SGCD: variants seen among roughly 807,000 people sequenced by gnomAD.
SGCD encodes the protein delta-sarcoglycan.
SGCD carries 18 observed loss-of-function variants against 36.6 expected under a neutral mutation model. The observed-to-expected ratio is 0.49, with a 90% CI of 0.34 to 0.73. The LOEUF is 0.73. SGCD is among the 30% of genes least tolerant of loss of function. The pLI is 0.01. For synonymous variants in SGCD, 133 were observed against 130.6 expected (o/e 1.02, Z -0.12); for missense variants, 387 against 346.7 (o/e 1.12, Z -0.92).
chr5:155,781,867 G>T, the SGCD span, among the ~76,000 whole-genome samples: 100 of 152,206 alleles, frequency 6.6e-4, 1 homozygote, highest in South Asian at 0.014. Context: ...CTAGGAGAGA[G>T]TATAGTTAGT....
chr5:156,582,021 C>A (rs982202449), intron 4 of SGCD, among the ~76,000 whole-genome samples: 5 of 152,174 alleles, frequency 3.3e-5, no homozygotes, highest in South Asian at 2.1e-4. Context: ...CTGGGAGATG[C>A]AGACCAGAGC....
At chr5:156,726,676 C>T (rs948792977) in intron 7 of SGCD, among the ~76,000 whole-genome samples, 8 of 152,134 alleles carry the variant, frequency 5.3e-5, no homozygotes, top group Admixed American at 3.9e-4. Context: ...CCTTAAGGTC[C>T]CCTCCTCAAG....
intron 3 of SGCD, among the ~76,000 whole-genome samples, chr5:156,499,008 A>G (rs1292782484): frequency 2.0e-5 from 3 of 151,118 alleles, no homozygotes; most frequent in African/African-American, 7.3e-5. Flanking sequence ...AAAGGAAGGA[A>G]TGCAATCTGC....
In SGCD at chr5:156,380,287, G is replaced by A. The variant is rs143237404; in HGVS notation, c.192+35610G>A. Among the ~76,000 whole-genome samples, 556 of 152,280 alleles carry A rather than the reference G, an allele frequency of 3.7e-3. 6 individuals are homozygous for A. Among genetic ancestry groups the A allele is most frequent in the African/African-American group, 0.012 (502 of 41,554 alleles). ...ACACCTTACCAAAGCCAAAGGAGAC[G>A]TTGAAATGCTATACTACTTAACCAA... On this transcript the variant is annotated intron_variant, in intron 3 of 8. Transcript: ENST00000337851.
At position 156,594,991 on chromosome 5, in the gene SGCD, T is replaced by A; in HGVS notation, c.442T>A (p.Leu148Met). The A allele has an allele frequency of 6.2e-7, 1 of 1,612,676 alleles. No individual in the cohort carries two copies. The highest frequency in any genetic ancestry group is 8.5e-7 in the Non-Finnish European group (1 of 1,179,108). The change falls in exon 6 of 9, where the codon TTG becomes ATG. Residue 148 changes from leucine to methionine, a missense_variant. Physicochemically the swap from Leu to Met is conservative, Grantham distance 15 (BLOSUM62 2). Transcript: ENST00000337851. ...TGAGGTAAAAACTGTTTCTGGAAAA[T>A]TGCTCTTCTCTGCAGACAATAATGA... ...KFEVKTVSGK[L>M]LFSADNNEVV...
At chr5:156,655,549 C>T (rs1763639341) in intron 7 of SGCD, among the ~76,000 whole-genome samples, 1 of 152,044 alleles carries the variant, frequency 6.6e-6, no homozygotes, top group African/African-American at 2.4e-5. Flanking sequence ...TTCAAAAAAA[C>T]AAAATGCTTT....
rs2127567808 is a variant in SGCD, at chr5:156,000,696, C to T, written c.-281-117182C>T. Among the ~76,000 whole-genome samples the T allele has an allele frequency of 2.0e-5, 3 of 152,172 alleles. No homozygotes were observed. The South Asian group carries it at 6.2e-4, about 32-fold the overall frequency. On this transcript the variant is annotated intron_variant, in intron 1 of 9. Coordinates refer to the SGCD transcript ENST00000517913. ...CCAGGGCAGAAGCCCCTCCGAGGAA[C>T]CCTAGGGTTCTGCCTTTAGACCAGA...
chr5:155,762,466 C>T, the SGCD span, among the ~76,000 whole-genome samples: 2 of 152,158 alleles, frequency 1.3e-5, no homozygotes, highest in African/African-American at 2.4e-5. Context: ...TTATAGTTTG[C>T]AATGTACCTT....
At chr5:155,883,793 CAA>C (rs34250962) in intron 1 of SGCD, among the ~76,000 whole-genome samples, 143 of 83,478 alleles carry the variant, frequency 1.7e-3, no homozygotes, top group East Asian at 8.1e-3. Flanking sequence ...CTTCAATTTG[CAA>C]AAAAAAAAAA....
chr5:156,490,141 G>T (rs1755870932), intron 3 of SGCD, among the ~76,000 whole-genome samples: 1 of 151,844 alleles, frequency 6.6e-6, no homozygotes. Context: ...CACATAAAAT[G>T]AACAAAGATT....
intron 1 of SGCD, among the ~76,000 whole-genome samples, chr5:155,991,817 G>A (rs967297086): frequency 1.3e-5 from 2 of 152,076 alleles, no homozygotes; most frequent in African/African-American, 4.8e-5. Flanking sequence ...TATTACTTAA[G>A]GCGAACTCCA....
intron 3 of SGCD, among the ~76,000 whole-genome samples, chr5:156,213,688 A>C (rs1312535842): frequency 6.6e-6 from 1 of 152,066 alleles, no homozygotes; most frequent in Non-Finnish European, 1.5e-5. Context: ...ACAGGACAGT[A>C]TCCCTAATTA....
At chr5:156,372,820 A>G (rs1036940253) in intron 3 of SGCD, among the ~76,000 whole-genome samples, 1 of 151,954 alleles carries the variant, frequency 6.6e-6, no homozygotes, top group Non-Finnish European at 1.5e-5. Flanking sequence ...GGGTGCTAAA[A>G]TTTTTTGTTC....
chr5:155,924,881 C>T (rs1043745860), intron 1 of SGCD, among the ~76,000 whole-genome samples: 17 of 152,164 alleles, frequency 1.1e-4, no homozygotes, highest in Middle Eastern at 3.4e-3. Context: ...TCATGTATAC[C>T]GTCCTATGCA....
intron 4 of SGCD, among the ~76,000 whole-genome samples, chr5:156,587,113 A>G (rs1182221183): frequency 6.6e-6 from 1 of 152,206 alleles, no homozygotes; most frequent in Admixed American, 6.5e-5. Flanking sequence ...CCTTTACTTT[A>G]CAAGGTCAGT....
At chr5:156,280,658 A>G (rs1766430752) in intron 3 of SGCD, among the ~76,000 whole-genome samples, 1 of 152,208 alleles carries the variant, frequency 6.6e-6, no homozygotes, top group Admixed American at 6.5e-5. Context: ...TTTCTTGTTC[A>G]GGGGCTGAAT....
At chr5:155,935,330 A>G (rs1757173702) in intron 1 of SGCD, among the ~76,000 whole-genome samples, 1 of 152,148 alleles carries the variant, frequency 6.6e-6, no homozygotes, top group South Asian at 2.1e-4. Flanking sequence ...GTATTTGTTG[A>G]AGGTCCATCT....
chr5:156,655,952 C>A (rs997010026), intron 7 of SGCD, among the ~76,000 whole-genome samples: 1 of 152,022 alleles, frequency 6.6e-6, no homozygotes, highest in Non-Finnish European at 1.5e-5. Context: ...CTTTGAATGC[C>A]TTCCTTGCTC....
At chr5:156,334,814 G>A (rs1266246740) in intron 2 of SGCD, among the ~76,000 whole-genome samples, 3 of 151,988 alleles carry the variant, frequency 2.0e-5, no homozygotes, top group Non-Finnish European at 4.4e-5. Flanking sequence ...CAGCGTCAGG[G>A]GAGGAACTGA....
Sources: gnomAD v4.1 joint callset for allele counts (sites outside exome capture counted in the v4.1 genomes callset) on GRCh38, gnomAD v4.1.1 for gene constraint, MANE v1.5 for transcripts, NCBI Gene and HGNC (gene_info 2026-07-23, HGNC 2026-07-21) for gene names.